The following KCNH7 variants were observed in gnomAD, a reference collection of about 807,000 sequenced individuals.
KCNH7 encodes voltage-gated inwardly rectifying potassium channel KCNH7.
In KCNH7, 49 loss-of-function variants were observed where a neutral mutation model predicts 120.8. The ratio of observed to expected loss-of-function variants is 0.41; its 90% confidence interval spans 0.32 to 0.51. The LOEUF is 0.51. Ranked by LOEUF, KCNH7 falls within the 20% of genes least tolerant of loss-of-function variation. The pLI, the probability that KCNH7 is intolerant of heterozygous loss-of-function variation, is 0.38. For missense variants in KCNH7, 1,097 were observed against 1,446.6 expected (o/e 0.76, Z 3.92); for synonymous variants, 547 against 516.1 (o/e 1.06, Z -0.81).
chr2:162,652,943 T>A (rs542810503), intron 2 of KCNH7, among the ~76,000 whole-genome samples: 6 of 152,202 alleles, frequency 3.9e-5, no homozygotes, highest in Admixed American at 2.0e-4. Context: ...ATTTTTTGAA[T>A]TAACGTAGCT....
At chr2:162,566,090 G>C (rs1054632620) in intron 2 of KCNH7, among the ~76,000 whole-genome samples, 4 of 151,872 alleles carry the variant, frequency 2.6e-5, no homozygotes, top group African/African-American at 9.7e-5. Flanking sequence ...CATAGTGGGG[G>C]ACTGAAAGTT....
chr2:162,794,672 C>A (rs1302722203), intron 2 of KCNH7, among the ~76,000 whole-genome samples: 2 of 151,976 alleles, frequency 1.3e-5, no homozygotes, highest in Non-Finnish European at 2.9e-5. Context: ...AAGTCTCAGA[C>A]AAGTTTTACT....
At chr2:162,492,693 T>C (rs1436374124) in intron 6 of KCNH7, among the ~76,000 whole-genome samples, 1 of 152,120 alleles carries the variant, frequency 6.6e-6, no homozygotes, top group Non-Finnish European at 1.5e-5. Context: ...ACCTGTGAGA[T>C]TAATTTTGGT....
intron 2 of KCNH7, among the ~76,000 whole-genome samples, chr2:162,544,165 C>T (rs906507093): frequency 1.3e-5 from 2 of 152,056 alleles, no homozygotes; most frequent in South Asian, 2.1e-4. Flanking sequence ...TTTATTTTAT[C>T]CCTGTGGATT....
At chr2:162,807,386 G>A (rs922198477) in intron 2 of KCNH7, among the ~76,000 whole-genome samples, 6 of 151,398 alleles carry the variant, frequency 4.0e-5, no homozygotes, top group East Asian at 2.0e-4. Flanking sequence ...GCAATGAGCC[G>A]ATATGGTGCC....
chr2:162,504,169 C>G (rs1294781516), intron 6 of KCNH7, among the ~76,000 whole-genome samples: 1 of 152,050 alleles, frequency 6.6e-6, no homozygotes, highest in African/African-American at 2.4e-5. Context: ...AGTGTCCAAA[C>G]ACGACGAATA....
At chr2:162,621,663 C>T (rs953362481) in intron 2 of KCNH7, among the ~76,000 whole-genome samples, 3 of 151,992 alleles carry the variant, frequency 2.0e-5, no homozygotes, top group African/African-American at 7.2e-5. Flanking sequence ...TACTCTGTGC[C>T]AGTGTGTATA....
At chr2:162,667,632 G>A (rs1410466340) in intron 2 of KCNH7, among the ~76,000 whole-genome samples, 1 of 152,084 alleles carries the variant, frequency 6.6e-6, no homozygotes, top group East Asian at 1.9e-4. Flanking sequence ...CCCTTTGAAT[G>A]AGTGTCTAGT....
At chr2:162,604,262 A>G (rs1694655996) in intron 2 of KCNH7, among the ~76,000 whole-genome samples, 1 of 152,150 alleles carries the variant, frequency 6.6e-6, no homozygotes, top group South Asian at 2.1e-4. Flanking sequence ...TAAGAAGTAG[A>G]TATGAATATT....
At chr2:162,375,139 T>C (rs1224566832) in intron 14 of KCNH7, among the ~76,000 whole-genome samples, 2 of 152,162 alleles carry the variant, frequency 1.3e-5, no homozygotes, top group Non-Finnish European at 2.9e-5. Flanking sequence ...CCAAAGAAAA[T>C]TATACATTCA....
chr2:162,532,757 T>C (rs989920018), intron 3 of KCNH7, among the ~76,000 whole-genome samples: 2 of 151,846 alleles, frequency 1.3e-5, no homozygotes, highest in Admixed American at 1.3e-4. Context: ...AAGTAAGAAG[T>C]ATATACACAT....
chr2:162,635,076 CTA>C (rs35099736), intron 2 of KCNH7, among the ~76,000 whole-genome samples: 3,386 of 152,102 alleles, frequency 0.022, 117 homozygotes, highest in East Asian at 0.18. Flanking sequence ...ATACATGTGG[CTA>C]GTAGTTACCA....
chr2:162,563,256 T>A (rs1286217450), intron 2 of KCNH7, among the ~76,000 whole-genome samples: 1 of 152,160 alleles, frequency 6.6e-6, no homozygotes, highest in Non-Finnish European at 1.5e-5. Flanking sequence ...GTTTGCAGCA[T>A]GAAATCATAT....
chr2:162,485,239 G>T (rs1215328847), intron 6 of KCNH7, among the ~76,000 whole-genome samples: 3 of 151,964 alleles, frequency 2.0e-5, no homozygotes, highest in Admixed American at 2.0e-4. Context: ...AACAAATTTG[G>T]GGGAATCTAC....
At chr2:162,422,260 C>T (rs1328911712) in intron 9 of KCNH7, among the ~76,000 whole-genome samples, 1 of 152,104 alleles carries the variant, frequency 6.6e-6, no homozygotes, top group African/African-American at 2.4e-5. Context: ...ATTTGCAGTG[C>T]TTTCTGCACC....
intron 2 of KCNH7, among the ~76,000 whole-genome samples, chr2:162,544,038 T>C (rs568752914): frequency 6.6e-6 from 1 of 152,292 alleles, no homozygotes; most frequent in Non-Finnish European, 1.5e-5. Context: ...GTACATCAAG[T>C]AGATTTTTGA....
At chr2:162,514,884 C>A (rs1691227171) in intron 4 of KCNH7, among the ~76,000 whole-genome samples, 1 of 151,578 alleles carries the variant, frequency 6.6e-6, no homozygotes, top group South Asian at 2.1e-4. Flanking sequence ...GTGAAGATAG[C>A]CTGTACAGGA....
intron 10 of KCNH7, among the ~76,000 whole-genome samples, chr2:162,398,042 T>C (rs1000917682): frequency 6.6e-6 from 1 of 151,852 alleles, no homozygotes; most frequent in Admixed American, 6.6e-5. Context: ...ATTTTTCTGT[T>C]TCTGACTATC....
rs34213467 is a variant in KCNH7 at position 162,667,018 on chromosome 2, C to CT, written c.308-129939dup. On this transcript the variant is annotated intron_variant, in intron 2 of 15. Transcript: ENST00000332142. The stretch of plus-strand genomic sequence containing the variant: ...TTCTAGTCTATTCTTTTTTCTTTTT[C>CT]TTTTTTTTTTTTTTTTTTGGAGTCA... Among the ~76,000 whole-genome samples the CT allele has an allele frequency of 6.3e-3, 781 of 124,176 alleles. 1 individual carries two copies. Among genetic ancestry groups the CT allele is most frequent in the Middle Eastern group, 0.013 (3 of 238 alleles). The allele number at this position is 124,176 out of a possible 152,430, so 81.5% of individuals were successfully genotyped here.
Sources: gnomAD v4.1 joint callset for allele counts (sites outside exome capture counted in the v4.1 genomes callset) on GRCh38, gnomAD v4.1.1 for gene constraint, MANE v1.5 for transcripts, NCBI Gene and HGNC (gene_info 2026-07-23, HGNC 2026-07-21) for gene names.